Variants in PDE4DIP observed in about 807,000 individuals in gnomAD.
PDE4DIP encodes the protein myomegalin.
In PDE4DIP, 59 loss-of-function variants were observed where a neutral mutation model predicts 221.4. That is an observed-to-expected ratio of 0.27 (90% CI 0.22 to 0.33). The LOEUF (loss-of-function observed/expected upper bound fraction) is 0.33, where lower values mean the gene tolerates loss of function less well. PDE4DIP is among the 10% of genes least tolerant of loss of function. The probability of loss-of-function intolerance (pLI) is 1.00; values close to 1 mark genes in which losing one functional copy is unlikely to be tolerated. For synonymous variants in PDE4DIP, 404 were observed against 815.9 expected (o/e 0.50, Z 8.60); for missense variants, 1,036 against 2,154.2 (o/e 0.48, Z 10.28).
chr1:149,010,596 G>C lies in PDE4DIP; in HGVS notation c.5080+1G>C. 3 of 1,613,542 alleles carry C rather than the reference G, an allele frequency of 1.9e-6. No homozygotes were observed. Among genetic ancestry groups the C allele is most frequent in the Non-Finnish European group, 2.5e-6 (3 of 1,179,746 alleles). On this transcript the variant is annotated splice_donor_variant, in intron 31 of 43. Transcript: ENST00000369354. LOFTEE classifies it high-confidence loss of function. Reference sequence around the variant, plus strand: ...AAGGAGGCCAACCAGGCCCATTCAGGTATGCAACAGCCAATGGGGCAGAAG... The same window carrying C: ...AAGGAGGCCAACCAGGCCCATTCAGCTATGCAACAGCCAATGGGGCAGAAG...
At chr1:148,844,162 A>G (rs1675771448) in intron 1 of PDE4DIP, among the ~76,000 whole-genome samples, 1 of 51,484 alleles carries the variant, frequency 1.9e-5, no homozygotes, top group African/African-American at 5.2e-5. Flanking sequence ...AACCTCCTCT[A>G]CAAATTCTTC....
intron 17 of PDE4DIP, among the ~76,000 whole-genome samples, chr1:148,976,032 C>T (rs2060109762): frequency 6.6e-6 from 1 of 151,082 alleles, no homozygotes; most frequent in Non-Finnish European, 1.5e-5. Flanking sequence ...TTAAAAATCC[C>T]CTAGTCCCCC....
chr1:148,998,193 C>G (rs782412350), exon 23 of PDE4DIP: 1 of 1,483,780 alleles, frequency 6.7e-7, no homozygotes, highest in Non-Finnish European at 9.4e-7. Context: ...AGACCCAGAA[C>G]CCATCTTTTT....
intron 23 of PDE4DIP, 50 bp downstream of exon 26, chr1:148,998,425 C>G: frequency 2.9e-6 from 3 of 1,028,134 alleles, no homozygotes; most frequent in Non-Finnish European, 4.5e-6. Context: ...TGAGGCACCA[C>G]AGCCAAGGGG....
chr1:148,962,915 CAGAGT>C (rs2057274681), intron 9 of PDE4DIP, among the ~76,000 whole-genome samples: 1 of 152,048 alleles, frequency 6.6e-6, no homozygotes, highest in South Asian at 2.1e-4. Context: ...TTTTTTGAGA[CAGAGT>C]CTCGCTCTGT....
intron 5 of PDE4DIP, chr1:148,953,860 G>A (rs2054363854): frequency 6.2e-7 from 1 of 1,609,984 alleles, no homozygotes; most frequent in Non-Finnish European, 8.5e-7. Flanking sequence ...ACCTGCAGGA[G>A]CTGTGGGATG....
chr1:149,009,951 C>T (rs2068097628), intron 30 of PDE4DIP, among the ~76,000 whole-genome samples, 160 bp downstream of exon 33: 4 of 152,188 alleles, frequency 2.6e-5, no homozygotes, highest in Non-Finnish European at 5.9e-5. Flanking sequence ...TTGCTCTGCT[C>T]CTGACTCTAC....
chr1:148,979,821 C>G (rs1387251249), exon 20 of PDE4DIP: 2 of 1,613,438 alleles, frequency 1.2e-6, no homozygotes, highest in Admixed American at 3.3e-5. Context: ...CTATAGCAGT[C>G]TGGTGAAGTT....
intron 17 of PDE4DIP, among the ~76,000 whole-genome samples, chr1:148,975,306 A>G (rs2059952668): frequency 6.8e-6 from 1 of 146,582 alleles, no homozygotes; most frequent in Non-Finnish European, 1.5e-5. Flanking sequence ...ATTTGAGTAT[A>G]ATCAGTGTTT....
chr1:148,821,754 A>G (rs1250471412), intron 1 of PDE4DIP, among the ~76,000 whole-genome samples: 2 of 148,124 alleles, frequency 1.4e-5, no homozygotes, highest in African/African-American at 5.1e-5. Flanking sequence ...CAGGAACATC[A>G]TATGATCTGA....
intron 1 of PDE4DIP, among the ~76,000 whole-genome samples, chr1:148,823,532 A>C (rs1280744271): frequency 6.6e-6 from 1 of 150,506 alleles, no homozygotes; most frequent in Non-Finnish European, 1.5e-5. Flanking sequence ...ATTCACACTC[A>C]CATCTAACCC....
chr1:148,981,154 A>G, intron 20 of PDE4DIP, 116 bp from the exon 24 acceptor site: 1 of 894,460 alleles, frequency 1.1e-6, no homozygotes, highest in East Asian at 2.4e-5. Flanking sequence ...CTGGAGAACA[A>G]TTACTTTACA....
chr1:148,939,340 TA>T (rs1180766189), intron 5 of PDE4DIP, among the ~76,000 whole-genome samples: 1 of 151,610 alleles, frequency 6.6e-6, no homozygotes, highest in Admixed American at 6.6e-5. Flanking sequence ...GGGGTCAAGA[TA>T]AAAGAGCAAT....
exon 34 of PDE4DIP, chr1:149,017,871 G>T (rs144059949): frequency 6.2e-7 from 1 of 1,613,030 alleles, no homozygotes; most frequent in Non-Finnish European, 8.5e-7. Context: ...TCTACTGCTC[G>T]TGGAAGGGGT....
At chr1:148,989,926 A>C (rs1261174097) in intron 21 of PDE4DIP, among the ~76,000 whole-genome samples, 1 of 152,130 alleles carries the variant, frequency 6.6e-6, no homozygotes, top group Admixed American at 6.6e-5. Flanking sequence ...TAGTATCCTG[A>C]GTGAGATGGT....
intron 4 of PDE4DIP, 64 bp from the exon 8 acceptor site, chr1:148,937,683 G>GA (rs1558878320): frequency 1.3e-6 from 1 of 768,700 alleles, no homozygotes; most frequent in African/African-American, 1.7e-5. Flanking sequence ...GGAATGGGCT[G>GA]AAAAAATAAG....
chr1:148,935,249 T>C (rs2048981123), intron 4 of PDE4DIP, among the ~76,000 whole-genome samples: 1 of 151,304 alleles, frequency 6.6e-6, no homozygotes, highest in South Asian at 2.1e-4. Flanking sequence ...ACATTTCATT[T>C]AGTACCCAGC....
chr1:148,862,153 G>A (rs1684510833), intron 1 of PDE4DIP, among the ~76,000 whole-genome samples: 1 of 147,506 alleles, frequency 6.8e-6, no homozygotes, highest in Admixed American at 6.8e-5. Context: ...CCTACCTCCA[G>A]CTCTCCCTAT....
At chr1:148,960,005 G>A (rs1198666135) in intron 5 of PDE4DIP, among the ~76,000 whole-genome samples, 2 of 151,490 alleles carry the variant, frequency 1.3e-5, no homozygotes, top group African/African-American at 4.8e-5. Context: ...TATTTGCACA[G>A]TATTTTTTAA....
Sources: allele counts gnomAD v4.1 joint callset (sites outside exome capture counted in the v4.1 genomes callset), GRCh38; gene constraint gnomAD v4.1.1; transcripts MANE v1.5; gene names NCBI Gene and HGNC (gene_info 2026-07-23, HGNC 2026-07-21).